Variants in ELOVL5 observed in about 807,000 individuals in gnomAD.
ELOVL5 encodes the protein ELOVL fatty acid elongase 5, also known as very long chain fatty acid elongase 5.
Under a neutral mutation model 38.6 loss-of-function variants are expected in ELOVL5, and 8 were observed. That is an observed-to-expected ratio of 0.21 (90% CI 0.12 to 0.37). The LOEUF is 0.37. ELOVL5 is among the 10% of genes least tolerant of loss of function. The pLI is 1.00. For synonymous variants in ELOVL5, 127 were observed against 133.7 expected (o/e 0.95, Z 0.34); for missense variants, 280 against 367.8 (o/e 0.76, Z 1.95).
intron 1 of ELOVL5, among the ~76,000 whole-genome samples, chr6:53,314,262 T>C (rs2127583913): frequency 6.6e-6 from 1 of 152,304 alleles, no homozygotes; most frequent in East Asian, 1.9e-4. Flanking sequence ...GTACCAAAAT[T>C]CAACTCTAGG....
At position 53,347,059 on chromosome 6, in the gene ELOVL5, T is replaced by C. The variant is rs544401581; in HGVS notation, c.-9+1758A>G. On this transcript the variant is annotated intron_variant, in intron 1 of 7. Coordinates refer to ENST00000304434, the MANE Select transcript of ELOVL5 (RefSeq NM_021814.5). ...AATTGAGTCAAGGAGGTGAGGTCAA[T>C]ATCTGAAGTTACAAGATATTTTTCT... is the stretch of plus-strand genomic sequence containing the variant. Among the ~76,000 whole-genome samples, 33 of 152,356 alleles carry C rather than the reference T, an allele frequency of 2.2e-4. No homozygotes were observed. In the East Asian group the frequency reaches 4.1e-3, roughly 19 times the overall value.
chr6:53,347,525 A>G (rs980147670), intron 1 of ELOVL5, among the ~76,000 whole-genome samples: 15 of 152,336 alleles, frequency 9.8e-5, no homozygotes, highest in Admixed American at 9.8e-4. Context: ...TTATCTGCCA[A>G]GCGGTTAGGA....
intron 1 of ELOVL5, among the ~76,000 whole-genome samples, chr6:53,328,751 G>A (rs1768657273): frequency 1.6e-5 from 1 of 62,866 alleles, no homozygotes; most frequent in South Asian, 7.1e-4. Flanking sequence ...ATAGCAAAGA[G>A]AAAGGGATGA....
intron 3 of ELOVL5, among the ~76,000 whole-genome samples, chr6:53,283,201 C>T (rs1220312316): frequency 1.3e-5 from 2 of 152,214 alleles, no homozygotes; most frequent in African/African-American, 4.8e-5. Context: ...AACTCCAACA[C>T]AATCAATTCT....
At position 53,268,981 on chromosome 6, in the gene ELOVL5, G is replaced by A; in HGVS notation, c.*146C>T. 2 of 886,882 alleles carry A rather than the reference G, an allele frequency of 2.3e-6. No homozygotes were observed. The highest frequency in any genetic ancestry group is 3.6e-5 in the South Asian group (2 of 55,406). 54.9% of individuals were successfully genotyped at this position (886,882 alleles called of 1,614,324 possible). ...ATATAATCTGTATACGTTTTCTAGGGGTTTTGAATTGATGAAAGAAGTCCT... is the reference window on the plus strand; with the variant it reads ...ATATAATCTGTATACGTTTTCTAGGAGTTTTGAATTGATGAAAGAAGTCCT... On this transcript the variant is annotated 3_prime_UTR_variant, in exon 8 of 8. Transcript: ENST00000304434.
At chr6:53,270,849 G>C (rs1462427788) in intron 6 of ELOVL5, 122 bp from the exon 7 acceptor site, 1 of 1,079,328 alleles carries the variant, frequency 9.3e-7, no homozygotes, top group Admixed American at 2.4e-5. Context: ...CCTTGCTGCA[G>C]GTACAGCAGT....
intron 1 of ELOVL5, among the ~76,000 whole-genome samples, chr6:53,323,736 C>A (rs780029806): frequency 2.6e-5 from 4 of 152,038 alleles, no homozygotes; most frequent in Non-Finnish European, 5.9e-5. Flanking sequence ...GTGCCCATCA[C>A]CACACCTGGT....
intron 1 of ELOVL5, among the ~76,000 whole-genome samples, chr6:53,318,862 A>C (rs1210764679): frequency 6.6e-6 from 1 of 152,122 alleles, no homozygotes; most frequent in Non-Finnish European, 1.5e-5. Context: ...CAATATATCT[A>C]AAATATTATC....
intron 1 of ELOVL5, among the ~76,000 whole-genome samples, chr6:53,320,605 G>A (rs1303714969): frequency 6.6e-6 from 1 of 152,010 alleles, no homozygotes; most frequent in Non-Finnish European, 1.5e-5. Flanking sequence ...TTACAGGCGT[G>A]AGCCACCACA....
In ELOVL5 at chr6:53,320,171, G is replaced by A. The variant is rs191563395; in HGVS notation, c.-8-24464C>T. On this transcript the variant is annotated intron_variant, in intron 1 of 7. Coordinates refer to ENST00000304434, the MANE Select transcript of ELOVL5 (RefSeq NM_021814.5). The stretch of plus-strand genomic sequence containing the variant: ...CTCTACTAAAAATAAAAAAAAATTA[G>A]CTGGGTGTGGTGGTGCACACCTGTA... 2.0e-5 allele frequency among the ~76,000 whole-genome samples: 3 copies of A among 151,986 alleles called. No individual in the cohort carries two copies. The East Asian group carries it at 5.9e-4, about 30-fold the overall frequency.
intron 1 of ELOVL5, among the ~76,000 whole-genome samples, chr6:53,347,312 C>T (rs369961011): frequency 6.6e-6 from 1 of 152,116 alleles, no homozygotes; most frequent in East Asian, 1.9e-4. Flanking sequence ...TAACATTTCC[C>T]TTTCAAGTGC....
In ELOVL5 at chr6:53,282,421, C is replaced by T. The variant is rs577787963; in HGVS notation, c.247-6165G>A. On this transcript the variant is annotated intron_variant, in intron 3 of 7. Coordinates refer to ENST00000304434, the MANE Select transcript of ELOVL5 (RefSeq NM_021814.5). ...TGGCTCTGGACAAGCCAGAAGGCTTCCTCTCTGTAGAAAGTATTCCCTTCC... is the reference window on the plus strand; with the variant it reads ...TGGCTCTGGACAAGCCAGAAGGCTTTCTCTCTGTAGAAAGTATTCCCTTCC... Among the ~76,000 whole-genome samples the T allele has an allele frequency of 1.5e-3, 234 of 152,336 alleles. 7 individuals carry two copies. Among genetic ancestry groups the T allele is most frequent in the Non-Finnish European group, 1.5e-3 (101 of 68,036 alleles).
At chr6:53,288,075 ACT>A (rs1766641014) in intron 3 of ELOVL5, 1 of 771,640 alleles carries the variant, frequency 1.3e-6, no homozygotes. Flanking sequence ...CACCTGTAAC[ACT>A]CTAACAAAGG....
At position 53,273,726 on chromosome 6, in the gene ELOVL5, G is replaced by A. The variant is rs546481572; in HGVS notation, c.497-382C>T. Reference sequence around the variant, plus strand: ...CTGAAGGCTGTGGAAGACAGCTGATGGGCAATATGCTCAAAAATGGTTGTT... The same window carrying A: ...CTGAAGGCTGTGGAAGACAGCTGATAGGCAATATGCTCAAAAATGGTTGTT... On this transcript the variant is annotated intron_variant, in intron 5 of 7. Transcript: ENST00000304434. Among the ~76,000 whole-genome samples, 76 of 152,330 alleles carry A rather than the reference G, an allele frequency of 5.0e-4. 1 individual carries two copies. The highest frequency in any genetic ancestry group is 1.7e-3 in the African/African-American group (72 of 41,570).
chr6:53,288,243 G>A (rs1478962856), intron 3 of ELOVL5, among the ~76,000 whole-genome samples: 3 of 152,152 alleles, frequency 2.0e-5, no homozygotes, highest in African/African-American at 7.2e-5. Context: ...CACATGGATA[G>A]TGCAAAAAAT....
intron 1 of ELOVL5, among the ~76,000 whole-genome samples, chr6:53,348,281 G>A (rs1436643884): frequency 6.6e-6 from 1 of 152,190 alleles, no homozygotes; most frequent in Non-Finnish European, 1.5e-5. Flanking sequence ...GGACAAAAAG[G>A]AAAGGCCGGA....
Position 53,273,251 on chromosome 6 carries a change from C to A in ELOVL5, c.590G>T (p.Trp197Leu). Residue 197 changes from tryptophan to leucine, a missense_variant, in exon 6 of 8, where the codon TGG (tryptophan) becomes TTG (leucine). Physicochemically the swap from Trp to Leu is moderately conservative, Grantham distance 61. Transcript: ENST00000304434. ...SSVPSMRPYLWWKKYITQGQL... is the reference protein window; with the variant it reads ...SSVPSMRPYLLWKKYITQGQL... ...CCCCTGAGTGATGTACTTCTTCCAC[C>A]AGAGGTATGGACGCATGGAAGGGAC... 1.9e-6 allele frequency: 3 copies of A among 1,613,738 alleles called. No homozygotes were observed. Among genetic ancestry groups the A allele is most frequent in the Non-Finnish European group, 2.5e-6 (3 of 1,179,784 alleles).
At chr6:53,337,641 T>C (rs750076168) in intron 1 of ELOVL5, among the ~76,000 whole-genome samples, 16 of 152,200 alleles carry the variant, frequency 1.1e-4, no homozygotes, top group Non-Finnish European at 1.8e-4. Flanking sequence ...TAGAGAAACA[T>C]TCAGGCACGT....
intron 1 of ELOVL5, among the ~76,000 whole-genome samples, chr6:53,336,731 G>T (rs1443360273): frequency 2.6e-5 from 4 of 152,126 alleles, no homozygotes; most frequent in Admixed American, 2.0e-4. Context: ...CCGTCCTTGG[G>T]AACAGTGCCA....
Sources: gnomAD v4.1 joint callset for allele counts (sites outside exome capture counted in the v4.1 genomes callset) on GRCh38, gnomAD v4.1.1 for gene constraint, MANE v1.5 for transcripts, NCBI Gene and HGNC (gene_info 2026-07-23, HGNC 2026-07-21) for gene names.